IQCM: variants seen among roughly 807,000 people sequenced by gnomAD.
IQCM encodes IQ domain-containing protein M.
In IQCM, 45 loss-of-function variants were observed where a neutral mutation model predicts 57.6. The observed-to-expected ratio is 0.78, with a 90% CI of 0.62 to 1.00. IQCM has a LOEUF of 1.00. Ranked by LOEUF, IQCM falls within the 50% of genes least tolerant of loss-of-function variation. The pLI, the probability that IQCM is intolerant of heterozygous loss-of-function variation, is 0.00. For missense variants in IQCM, 468 were observed against 511.6 expected, an observed-to-expected ratio of 0.91 and a Z score of 0.82; for synonymous variants, 148 against 158.9, an observed-to-expected ratio of 0.93 and a Z score of 0.51.
intron 12 of IQCM, among the ~76,000 whole-genome samples, chr4:149,483,446 C>G (rs1472142874): frequency 6.6e-6 from 1 of 151,644 alleles, no homozygotes; most frequent in Admixed American, 6.6e-5. Flanking sequence ...TTGCTGTATC[C>G]TATAGGTTTT....
At chr4:149,650,922 CCTT>C (rs1759115556) in intron 7 of IQCM, among the ~76,000 whole-genome samples, 2 of 152,300 alleles carry the variant, frequency 1.3e-5, no homozygotes, top group South Asian at 2.1e-4. Context: ...TTGTTACACA[CCTT>C]CTTATTTGTA....
intron 13 of IQCM, among the ~76,000 whole-genome samples, chr4:149,362,348 T>A (rs903978701): frequency 2.6e-5 from 4 of 152,020 alleles, no homozygotes; most frequent in African/African-American, 9.7e-5. Flanking sequence ...GACATGAGAT[T>A]TGGAGGGGCC....
At chr4:149,481,957 T>A (rs937796706) in intron 12 of IQCM, among the ~76,000 whole-genome samples, 13 of 151,358 alleles carry the variant, frequency 8.6e-5, no homozygotes, top group Middle Eastern at 6.8e-3. Flanking sequence ...ATTTTTCTCA[T>A]CAGTGTTTTA....
chr4:149,667,068 T>C (rs1428740050), intron 7 of IQCM, among the ~76,000 whole-genome samples: 4 of 152,174 alleles, frequency 2.6e-5, no homozygotes, highest in Non-Finnish European at 5.9e-5. Context: ...GCACAGCACT[T>C]GAGCTCTGCT....
intron 13 of IQCM, among the ~76,000 whole-genome samples, chr4:149,360,335 G>A (rs1442576416): frequency 3.3e-5 from 5 of 152,148 alleles, no homozygotes; most frequent in Admixed American, 3.3e-4. Context: ...AAGTAATCTA[G>A]AGAACAATTT....
chr4:149,407,539 C>T (rs1047970126), intron 13 of IQCM, among the ~76,000 whole-genome samples: 1 of 152,008 alleles, frequency 6.6e-6, no homozygotes, highest in African/African-American at 2.4e-5. Context: ...CATTGATTAG[C>T]TCCCACTTAA....
chr4:149,555,135 T>C (rs922210758), intron 10 of IQCM, among the ~76,000 whole-genome samples: 2 of 152,240 alleles, frequency 1.3e-5, no homozygotes, highest in African/African-American at 4.8e-5. Flanking sequence ...TTCCATCTAA[T>C]AGCAGATTCT....
chr4:149,740,251 C>T (rs551533265), intron 3 of IQCM, among the ~76,000 whole-genome samples: 1 of 152,266 alleles, frequency 6.6e-6, no homozygotes, highest in East Asian at 1.9e-4. Flanking sequence ...GAGTAAATGC[C>T]TGACAGGTGT....
intron 7 of IQCM, among the ~76,000 whole-genome samples, chr4:149,622,503 C>A (rs145591727): frequency 6.6e-6 from 1 of 152,022 alleles, no homozygotes; most frequent in Non-Finnish European, 1.5e-5. Flanking sequence ...CCTCCACGCC[C>A]GGCTAATTTT....
chr4:149,789,448 C>G (rs2150026091), intron 2 of IQCM, among the ~76,000 whole-genome samples: 1 of 152,260 alleles, frequency 6.6e-6, no homozygotes, highest in African/African-American at 2.4e-5. Flanking sequence ...GTAAGTAATG[C>G]AGTCATTCCA....
At chr4:149,387,768 T>A (rs1004684851) in intron 13 of IQCM, among the ~76,000 whole-genome samples, 1 of 151,998 alleles carries the variant, frequency 6.6e-6, no homozygotes, top group African/African-American at 2.4e-5. Flanking sequence ...GTGCAATCTA[T>A]CATCATAGTA....
chr4:149,442,545 C>T (rs1297684302), intron 12 of IQCM, among the ~76,000 whole-genome samples: 1 of 152,086 alleles, frequency 6.6e-6, no homozygotes, highest in Non-Finnish European at 1.5e-5. Flanking sequence ...CATTATTCCA[C>T]TAATTAAGCT....
chr4:149,363,558 T>A (rs1425729772), intron 13 of IQCM, among the ~76,000 whole-genome samples: 1 of 152,164 alleles, frequency 6.6e-6, no homozygotes, highest in East Asian at 1.9e-4. Context: ...TTTGAAATAC[T>A]AAACATTTGC....
At position 149,602,032 on chromosome 4, in the gene IQCM, C is replaced by T. The variant is rs1224192878; in HGVS notation, c.682-14035G>A. 2.5e-4 allele frequency among the ~76,000 whole-genome samples: 23 copies of T among 92,678 alleles called. No individual in the cohort carries two copies. In the East Asian group the frequency reaches 3.2e-3, roughly 13 times the overall value. 60.8% of individuals were successfully genotyped at this position (92,678 alleles called of 152,430 possible). A position where few individuals can be genotyped will look rare whatever the true frequency, so the allele number is the denominator to read the frequency against. ...TTGTGCCACTGCGCTCCAGCCTGGG[C>T]GACAAAAAAAAAAAAAAAAAAAAGA... On this transcript the variant is annotated intron_variant, in intron 8 of 13. Coordinates refer to ENST00000636793, the MANE Select transcript of IQCM (RefSeq NM_001363507.2).
chr4:149,464,741 T>C (rs886357193), intron 12 of IQCM, among the ~76,000 whole-genome samples: 9 of 152,312 alleles, frequency 5.9e-5, no homozygotes, highest in Admixed American at 3.9e-4. Flanking sequence ...ATGATGGAAA[T>C]GTTCTATATC....
rs111705409 is a variant in IQCM, at chr4:149,639,386, G to A, written c.566-18142C>T. On this transcript the variant is annotated intron_variant, in intron 7 of 13. Coordinates refer to ENST00000636793, the MANE Select transcript of IQCM (RefSeq NM_001363507.2). ...GGCTGCAGTGAGCTATGATCGTGCC[G>A]CTGCACTCCAGCCTGGAAAACAGAG... 4.5e-3 allele frequency among the ~76,000 whole-genome samples: 671 copies of A among 149,056 alleles called. 5 individuals carry two copies. Among genetic ancestry groups the A allele is most frequent in the African/African-American group, 0.015 (612 of 40,342 alleles).
At chr4:149,481,696 G>GTTTTTTTTTTTTTTTTTTTTTTTTTT (rs1197852884) in intron 12 of IQCM, among the ~76,000 whole-genome samples, 4 of 33,614 alleles carry the variant, frequency 1.2e-4, no homozygotes, top group Non-Finnish European at 1.6e-4. Context: ...GATTCTTCCA[G>GTTTTTTTTTTTTTTTTTTTTTTTTTT]TTTTGTTTTT....
At chr4:149,565,452 T>G (rs1750531245) in intron 9 of IQCM, among the ~76,000 whole-genome samples, 1 of 152,188 alleles carries the variant, frequency 6.6e-6, no homozygotes, top group Non-Finnish European at 1.5e-5. Context: ...CTTTTCATAT[T>G]TGTCTTTCTG....
chr4:149,660,748 C>T (rs576622040), intron 7 of IQCM, among the ~76,000 whole-genome samples: 84 of 151,972 alleles, frequency 5.5e-4, no homozygotes, highest in African/African-American at 1.9e-3. Context: ...AACCAAACAC[C>T]GCATGTTCTC....
Sources: gnomAD v4.1 joint callset for allele counts (sites outside exome capture counted in the v4.1 genomes callset) on GRCh38, gnomAD v4.1.1 for gene constraint, MANE v1.5 for transcripts, NCBI Gene and HGNC (gene_info 2026-07-23, HGNC 2026-07-21) for gene names.